The following STK32C variants were observed in gnomAD, a reference collection of about 807,000 sequenced individuals.
The protein encoded by STK32C is serine/threonine-protein kinase 32C.
In STK32C, 31 loss-of-function variants were observed where a neutral mutation model predicts 56.5. The ratio of observed to expected loss-of-function variants is 0.55; its 90% CI spans 0.41 to 0.74. The LOEUF (loss-of-function observed/expected upper bound fraction) is 0.74. STK32C is among the 30% of genes least tolerant of loss of function. The pLI, the probability that STK32C is intolerant of heterozygous loss-of-function variation, is 0.00. For synonymous variants in STK32C, 309 were observed against 289.4 expected (o/e 1.07, Z -0.69); for missense variants, 544 against 676.9 (o/e 0.80, Z 2.18).
intron 11 of STK32C, 110 bp from the exon 12 acceptor site, chr10:132,208,261 CGTG>C (rs1180328348): frequency 8.7e-5 from 105 of 1,209,290 alleles, no homozygotes; most frequent in Non-Finnish European, 1.0e-4. Context: ...GATGCCCAAA[CGTG>C]GGCCACAGGC....
chr10:132,223,246 G>A (rs1029845135), intron 8 of STK32C, among the ~76,000 whole-genome samples: 6 of 152,230 alleles, frequency 3.9e-5, no homozygotes, highest in Admixed American at 3.9e-4. Context: ...GGACAGCAGA[G>A]GGATCTGCAG....
chr10:132,319,039 C>A (rs968255690), downstream of STK32C, among the ~76,000 whole-genome samples: 1 of 152,184 alleles, frequency 6.6e-6, no homozygotes, highest in African/African-American at 2.4e-5. Context: ...ACCTCCACGT[C>A]CTGGGTTAAA....
chr10:132,323,401 G>GGA (rs543452853), downstream of STK32C, among the ~76,000 whole-genome samples: 168 of 152,304 alleles, frequency 1.1e-3, no homozygotes, highest in African/African-American at 4.0e-3. The surrounding 1 kb of genome is among the most constrained non-coding windows in gnomAD (Gnocchi z 4.8). Flanking sequence ...TCCATCCCTA[G>GGA]CGTTCTCACT....
At chr10:132,232,056 G>A (rs1318495709) in intron 2 of STK32C, among the ~76,000 whole-genome samples, 1 of 152,244 alleles carries the variant, frequency 6.6e-6, no homozygotes, top group Non-Finnish European at 1.5e-5. Context: ...ATAACACCCT[G>A]CAGACTCTGA....
intron 1 of STK32C, among the ~76,000 whole-genome samples, chr10:132,248,164 G>A (rs1013362945): frequency 2.6e-5 from 4 of 152,264 alleles, no homozygotes; most frequent in Non-Finnish European, 5.9e-5. Context: ...CGGCCGCACA[G>A]GCAGGGAGCA....
intron 2 of STK32C, among the ~76,000 whole-genome samples, chr10:132,239,563 G>A (rs774021107): frequency 6.6e-6 from 1 of 152,244 alleles, no homozygotes; most frequent in Non-Finnish European, 1.5e-5. Flanking sequence ...TGCCCTGAGC[G>A]GGGTGGCCAG....
At chr10:132,244,072 A>G (rs1297179519) in intron 2 of STK32C, among the ~76,000 whole-genome samples, 1 of 152,172 alleles carries the variant, frequency 6.6e-6, no homozygotes, top group African/African-American at 2.4e-5. Flanking sequence ...CCTTCCTGCC[A>G]TGGGGTCATT....
intron 2 of STK32C, among the ~76,000 whole-genome samples, chr10:132,236,359 A>G (rs547090731): frequency 6.6e-6 from 1 of 152,218 alleles, no homozygotes; most frequent in Non-Finnish European, 1.5e-5. Context: ...AGGTTCGCAG[A>G]AGGGGGTGAC....
At chr10:132,236,547 G>T (rs140905257) in intron 2 of STK32C, among the ~76,000 whole-genome samples, 156 of 152,342 alleles carry the variant, frequency 1.0e-3, no homozygotes, top group African/African-American at 3.4e-3. Flanking sequence ...AGGACAGCCA[G>T]GAAGGCAGCC....
At chr10:132,210,887 T>C (rs2062275333) in intron 10 of STK32C, among the ~76,000 whole-genome samples, 1 of 152,222 alleles carries the variant, frequency 6.6e-6, no homozygotes, top group African/African-American at 2.4e-5. Flanking sequence ...TCTCTCTTCC[T>C]AGCCCTGAGT....
At position 132,307,447 on chromosome 10, in the gene STK32C, G is replaced by C. The variant is rs1057007780; in HGVS notation, c.262+125C>G. 6.1e-6 allele frequency: 7 copies of C among 1,141,680 alleles called. No individual in the cohort carries two copies. In the Admixed American group the frequency reaches 1.3e-4, roughly 21 times the overall value. The allele number at this position is 1,141,680 out of a possible 1,614,324, so 70.7% of individuals were successfully genotyped here. A position where few individuals can be genotyped will look rare whatever the true frequency, so the allele number is the denominator to read the frequency against. On this transcript the variant is annotated intron_variant, in intron 1 of 11. Transcript: ENST00000298630. This position sits in a 1 kb window ranked among gnomAD's most constrained non-coding sequence, Gnocchi z 4.4. ...CAGCCACCCGGCGCGAGCTTCTCCG[G>C]AAGCCGGGGCGCCCCGGGAAGCCGT...
Position 132,307,553 on chromosome 10 carries a change from T to C in STK32C, c.262+19A>G. Reference sequence around the variant, plus strand: ...GCAATAGCGCGCGGCCCCCACGTCGTCCCCGTGCCCGCACTCACCGTCCTC... The same window carrying C: ...GCAATAGCGCGCGGCCCCCACGTCGCCCCCGTGCCCGCACTCACCGTCCTC... On this transcript the variant is annotated intron_variant, in intron 1 of 11. Transcript: ENST00000298630. The surrounding 1 kb of genome is among the most constrained non-coding windows in gnomAD (Gnocchi z 4.4). 1 of 1,474,238 alleles carries C rather than the reference T, an allele frequency of 6.8e-7. No homozygotes were observed. The highest frequency in any genetic ancestry group is 9.0e-7 in the Non-Finnish European group (1 of 1,105,930). 91.3% of individuals were successfully genotyped at this position (1,474,238 alleles called of 1,614,324 possible).
chr10:132,325,250 T>C (rs2066473514), intron 1 of STK32C, among the ~76,000 whole-genome samples: 1 of 151,824 alleles, frequency 6.6e-6, no homozygotes, highest in Non-Finnish European at 1.5e-5. Flanking sequence ...GATCTGATGG[T>C]TTTAGAAAGA....
intron 1 of STK32C, among the ~76,000 whole-genome samples, chr10:132,279,473 C>A (rs114476793): frequency 6.6e-6 from 1 of 152,066 alleles, no homozygotes; most frequent in Non-Finnish European, 1.5e-5. Context: ...AAGACATACA[C>A]ATGTGACCAG....
chr10:132,302,152 C>G (rs1336128794), intron 1 of STK32C, among the ~76,000 whole-genome samples: 1 of 152,216 alleles, frequency 6.6e-6, no homozygotes, highest in Non-Finnish European at 1.5e-5. Flanking sequence ...GTGACTTTGC[C>G]TCCCTCAGAT....
At chr10:132,270,675 G>A (rs1219452618) in intron 1 of STK32C, among the ~76,000 whole-genome samples, 1 of 152,196 alleles carries the variant, frequency 6.6e-6, no homozygotes, top group Non-Finnish European at 1.5e-5. Flanking sequence ...AGAATGGCCT[G>A]GGGGTACCAA....
chr10:132,238,204 C>A (rs1197583122), intron 2 of STK32C, among the ~76,000 whole-genome samples: 1 of 152,218 alleles, frequency 6.6e-6, no homozygotes, highest in African/African-American at 2.4e-5. Context: ...GGTGCAGCAG[C>A]TGCTCTCGGA....
chr10:132,301,622 G>A (rs1186793476), intron 1 of STK32C, among the ~76,000 whole-genome samples: 2 of 152,214 alleles, frequency 1.3e-5, no homozygotes, highest in African/African-American at 2.4e-5. Context: ...CCTCAGATCC[G>A]GGTCAGAAGA....
At chr10:132,287,189 T>C (rs936090786) in intron 1 of STK32C, among the ~76,000 whole-genome samples, 2 of 152,120 alleles carry the variant, frequency 1.3e-5, no homozygotes, top group Non-Finnish European at 2.9e-5. Context: ...CACAGATTCA[T>C]AGATTTAAAA....
Sources: gnomAD v4.1 joint callset for allele counts (sites outside exome capture counted in the v4.1 genomes callset) on GRCh38, gnomAD v4.1.1 for gene constraint, Gnocchi (gnomAD v3.1) non-coding constraint, MANE v1.5 for transcripts, NCBI Gene and HGNC (gene_info 2026-07-23, HGNC 2026-07-21) for gene names.